Variants in CFTR observed in about 807,000 individuals in gnomAD.
The protein encoded by CFTR is CF transmembrane conductance regulator, also known as cystic fibrosis transmembrane conductance regulator.
A neutral mutation model predicts 171.6 loss-of-function variants in CFTR; 181 were observed. The observed-to-expected ratio is 1.05, with a 90% CI of 0.93 to 1.19. The LOEUF (loss-of-function observed/expected upper bound fraction) is 1.19, where lower values mean the gene tolerates loss of function less well. CFTR is among the 50% of genes most tolerant of loss of function. The pLI, the probability that CFTR is intolerant of heterozygous loss-of-function variation, is 0.00. For synonymous variants in CFTR, 583 were observed against 608.0 expected, an observed-to-expected ratio of 0.96 and a Z score of 0.60; for missense variants, 1,968 against 1,734.7, an observed-to-expected ratio of 1.13 and a Z score of -2.39.
intron 10 of CFTR, among the ~76,000 whole-genome samples, chr7:117,549,826 AG>A (rs1253184308): frequency 1.3e-5 from 2 of 152,136 alleles, no homozygotes; most frequent in Admixed American, 1.3e-4. Context: ...GAAATGAGGA[AG>A]AAAGGAAGTA....
chr7:117,650,624 G>A (rs34047196), intron 23 of CFTR, among the ~76,000 whole-genome samples: 3 of 151,888 alleles, frequency 2.0e-5, no homozygotes, highest in African/African-American at 2.4e-5. Context: ...CCATTATTCC[G>A]TTTCAAATTG....
At chr7:117,480,536 G>A (rs559616029) in intron 1 of CFTR, among the ~76,000 whole-genome samples, 1 of 152,248 alleles carries the variant, frequency 6.6e-6, no homozygotes, top group Non-Finnish European at 1.5e-5. Flanking sequence ...GCACATACAG[G>A]TGCCATGCCT....
chr7:117,487,141 A>T (rs774151748), intron 1 of CFTR, among the ~76,000 whole-genome samples: 1 of 152,104 alleles, frequency 6.6e-6, no homozygotes, highest in Non-Finnish European at 1.5e-5. Context: ...CAGAAACGGA[A>T]ATGATGTATA....
rs899527207 is a variant in CFTR at position 117,624,041 on chromosome 7, C to A, written c.3469-3481C>A. 2.6e-5 allele frequency among the ~76,000 whole-genome samples: 4 copies of A among 152,106 alleles called. No homozygotes were observed. The East Asian group carries it at 7.7e-4, about 29-fold the overall frequency. ...CAAATTACTTAAGCTTCAGGCTCCA[C>A]AAAACCTGGATCTACCCCTGGTAGC... is the stretch of plus-strand genomic sequence containing the variant. On this transcript the variant is annotated intron_variant, in intron 21 of 26. Transcript: ENST00000003084.
chr7:117,506,878 A>C (rs1798426836), intron 2 of CFTR, among the ~76,000 whole-genome samples: 1 of 152,164 alleles, frequency 6.6e-6, no homozygotes, highest in Non-Finnish European at 1.5e-5. Flanking sequence ...TTATTGAAAT[A>C]TTTTGGAAGA....
chr7:117,597,107 G>A (rs1200420794), intron 15 of CFTR, among the ~76,000 whole-genome samples: 1 of 152,182 alleles, frequency 6.6e-6, no homozygotes, highest in African/African-American at 2.4e-5. Context: ...GTCTGTAGAA[G>A]CTTTGTTCTT....
Position 117,603,754 on chromosome 7 carries a change from T to C in CFTR, c.2880T>C (p.Pro960=). The C allele has an allele frequency of 6.2e-7, 1 of 1,613,998 alleles. No individual in the cohort carries two copies. The highest frequency in any genetic ancestry group is 1.1e-5 in the South Asian group (1 of 91,090). The change falls in exon 17 of 27, where the codon CCT becomes CCC. Residue 960 remains proline, a synonymous_variant. Transcript: ENST00000003084. ...HKMLHSVLQA[P]MSTLNTLKAG... is the part of the protein sequence containing the mutation. ...TGTTACATTCTGTTCTTCAAGCACC[T>C]ATGTCAACCCTCAACACGTTGAAAG...
Position 117,642,497 on chromosome 7 carries a change from A to G in CFTR, c.3777A>G (p.Arg1259=). 1 of 1,613,686 alleles carries G rather than the reference A, an allele frequency of 6.2e-7. No individual in the cohort carries two copies. The highest frequency in any genetic ancestry group is 8.5e-7 in the Non-Finnish European group (1 of 1,179,746). ...GKSTLLSAFL[R]LLNTEGEIQI... is the part of the protein sequence containing the mutation. ...GTACTTTGTTATCAGCTTTTTTGAG[A>G]CTACTGAACACTGAAGGAGAAATCC... is the stretch of plus-strand genomic sequence containing the variant. The change falls in exon 23 of 27, where the codon AGA becomes AGG. Residue 1259 remains arginine (R), a synonymous_variant. Coordinates refer to ENST00000003084, the MANE Select transcript of CFTR (RefSeq NM_000492.4).
At chr7:117,565,890 G>A (rs1207427021) in intron 11 of CFTR, among the ~76,000 whole-genome samples, 3 of 152,100 alleles carry the variant, frequency 2.0e-5, no homozygotes, top group Non-Finnish European at 4.4e-5. Flanking sequence ...GCAAATAAAT[G>A]AGTTAATGAC....
At chr7:117,664,147 C>G (rs924427360) in intron 24 of CFTR, among the ~76,000 whole-genome samples, 7 of 152,164 alleles carry the variant, frequency 4.6e-5, no homozygotes, top group Admixed American at 4.6e-4. Flanking sequence ...ATTTAAAAAA[C>G]CCCACAGTTG....
At chr7:117,505,491 T>C (rs1798399606) in intron 2 of CFTR, among the ~76,000 whole-genome samples, 1 of 152,176 alleles carries the variant, frequency 6.6e-6, no homozygotes, top group Non-Finnish European at 1.5e-5. Flanking sequence ...CTGGTTTTAT[T>C]TTCTCAGACC....
intron 1 of CFTR, among the ~76,000 whole-genome samples, chr7:117,483,863 C>T (rs1798033947): frequency 6.6e-6 from 1 of 152,090 alleles, no homozygotes; most frequent in Non-Finnish European, 1.5e-5. Flanking sequence ...CGTAAGCCAC[C>T]TCACCCTGTC....
rs397508600 is a variant in CFTR at position 117,642,457 on chromosome 7, C to G, written c.3737C>G (p.Thr1246Ser). ...PGQRVGLLGRTGSGKSTLLSA... is the reference protein window; with the variant it reads ...PGQRVGLLGRSGSGKSTLLSA... ...TTATAGGTGGGCCTCTTGGGAAGAA[C>G]TGGATCAGGGAAGAGTACTTTGTTA... Residue 1246 changes from threonine (T) to serine (S), a missense_variant, in exon 23 of 27, where the codon ACT (threonine) becomes AGT (serine). Thr to Ser is a moderately conservative substitution (Grantham distance 58). Coordinates refer to ENST00000003084, the MANE Select transcript of CFTR (RefSeq NM_000492.4). 1 of 1,613,554 alleles carries G rather than the reference C, an allele frequency of 6.2e-7. No individual in the cohort carries two copies. Among genetic ancestry groups the G allele is most frequent in the African/African-American group, 1.3e-5 (1 of 75,010 alleles).
intron 11 of CFTR, among the ~76,000 whole-genome samples, chr7:117,577,572 C>T (rs1013664064): frequency 2.0e-5 from 3 of 152,016 alleles, no homozygotes; most frequent in Admixed American, 6.6e-5. Flanking sequence ...AACATAATAA[C>T]CATTGTTATT....
intron 21 of CFTR, among the ~76,000 whole-genome samples, chr7:117,624,771 C>G (rs1465171166): frequency 6.6e-6 from 1 of 152,134 alleles, no homozygotes; most frequent in African/African-American, 2.4e-5. Context: ...TGCATAGACA[C>G]TATGTTTTGA....
intron 23 of CFTR, among the ~76,000 whole-genome samples, chr7:117,648,003 A>AGTGT (rs754535471): frequency 1.8e-3 from 269 of 145,866 alleles, no homozygotes; most frequent in African/African-American, 6.5e-3. Flanking sequence ...CTATACACGG[A>AGTGT]GTGTGTGTGT....
Position 117,535,260 on chromosome 7 carries a change from G to C in CFTR, c.592G>C (p.Ala198Pro), listed in dbSNP as rs193922529. 6.2e-7 allele frequency: 1 copy of C among 1,614,030 alleles called. No individual in the cohort carries two copies. Among genetic ancestry groups the C allele is most frequent in the East Asian group, 2.2e-5 (1 of 44,874 alleles). Residue 198 changes from alanine (A) to proline (P), a missense_variant, in exon 6 of 27, where the codon GCA becomes CCA. Physicochemically the swap from Ala to Pro is conservative, Grantham distance 27. Transcript: ENST00000003084. ...TTTTATTTTCCAGGGACTTGCATTG[G>C]CACATTTCGTGTGGATCGCTCCTTT... ...LNKFDEGLALAHFVWIAPLQV... is the reference protein window; with the variant it reads ...LNKFDEGLALPHFVWIAPLQV...
At chr7:117,633,172 A>C (rs1562920870) in intron 22 of CFTR, among the ~76,000 whole-genome samples, 2 of 152,074 alleles carry the variant, frequency 1.3e-5, no homozygotes, top group Non-Finnish European at 2.9e-5. Flanking sequence ...CATTTGTTTG[A>C]TTCTTTGATT....
At chr7:117,606,929 A>C (rs1238746808) in intron 18 of CFTR, among the ~76,000 whole-genome samples, 176 bp downstream of exon 18, 2 of 152,198 alleles carry the variant, frequency 1.3e-5, no homozygotes, top group Non-Finnish European at 2.9e-5. Context: ...AAATTCAATA[A>C]TAAGTCAGAA....
Sources: allele counts gnomAD v4.1 joint callset (sites outside exome capture counted in the v4.1 genomes callset), GRCh38; gene constraint gnomAD v4.1.1; transcripts MANE v1.5; gene names NCBI Gene and HGNC (gene_info 2026-07-23, HGNC 2026-07-21).